The following PAFAH1B1 variants were observed in gnomAD, a reference collection of about 807,000 sequenced individuals.
The protein encoded by PAFAH1B1 is platelet activating factor acetylhydrolase 1b regulatory subunit 1.
In PAFAH1B1, 2 loss-of-function variants were observed where a neutral mutation model predicts 57.5. That is an observed-to-expected ratio of 0.03 (90% CI 0.01 to 0.11). The LOEUF is 0.11. PAFAH1B1 is among the 10% of genes least tolerant of loss of function. The pLI, the probability that PAFAH1B1 is intolerant of heterozygous loss-of-function variation, is 1.00. For missense variants in PAFAH1B1, 257 were observed against 512.0 expected (o/e 0.50, Z 4.81); for synonymous variants, 152 against 169.6 (o/e 0.90, Z 0.81).
intron 2 of PAFAH1B1, chr17:2,640,639 G>A (rs1186760150): frequency 1.3e-5 from 2 of 151,442 alleles, no homozygotes; most frequent in Admixed American, 6.6e-5. Flanking sequence ...TTTTAGTAGA[G>A]GCGGGGTTTC....
intron 1 of PAFAH1B1, among the ~76,000 whole-genome samples, chr17:2,625,181 C>T (rs1319516631): frequency 5.3e-5 from 8 of 152,144 alleles, no homozygotes; most frequent in Non-Finnish European, 7.4e-5. Context: ...CAAAAGCATA[C>T]TAAAGCCTCT....
chr17:2,611,303 A>G (rs576946856), intron 1 of PAFAH1B1, among the ~76,000 whole-genome samples: 72 of 152,108 alleles, frequency 4.7e-4, no homozygotes, highest in African/African-American at 1.5e-3. Context: ...CCCTATCTCT[A>G]CTAAAAATAC....
At chr17:2,595,303 TGGG>T (rs545417841) in intron 1 of PAFAH1B1, among the ~76,000 whole-genome samples, 1 of 151,822 alleles carries the variant, frequency 6.6e-6, no homozygotes, top group Non-Finnish European at 1.5e-5. Context: ...CTGTTTTTGT[TGGG>T]GGGGTGGGTT....
At chr17:2,657,789 G>A (rs1449098149) in intron 2 of PAFAH1B1, among the ~76,000 whole-genome samples, 1 of 152,120 alleles carries the variant, frequency 6.6e-6, no homozygotes, top group Non-Finnish European at 1.5e-5. Context: ...AAGATCCTAG[G>A]AGGCAAGGGA....
chr17:2,651,767 C>A (rs2068853052), intron 2 of PAFAH1B1, among the ~76,000 whole-genome samples: 1 of 151,938 alleles, frequency 6.6e-6, no homozygotes, highest in East Asian at 1.9e-4. Context: ...TGCCTTTTTG[C>A]CTTTCCCCAG....
At chr17:2,617,969 C>T (rs2068369234) in intron 1 of PAFAH1B1, among the ~76,000 whole-genome samples, 1 of 151,528 alleles carries the variant, frequency 6.6e-6, no homozygotes, top group Non-Finnish European at 1.5e-5. Context: ...TGCATTTAGG[C>T]CGGGTGCGGT....
At chr17:2,673,761 G>T in intron 7 of PAFAH1B1, 2 of 381,760 alleles carry the variant, frequency 5.2e-6, no homozygotes, top group Non-Finnish European at 9.8e-6. Flanking sequence ...ACTCAGATTA[G>T]TAGAGCATAG....
intron 5 of PAFAH1B1, among the ~76,000 whole-genome samples, chr17:2,669,939 T>C (rs368096054): frequency 5.3e-5 from 8 of 152,348 alleles, no homozygotes; most frequent in African/African-American, 1.9e-4. Flanking sequence ...AGAAACCTTA[T>C]AAATGTGGTT....
chr17:2,617,691 G>A (rs948807957), intron 1 of PAFAH1B1, among the ~76,000 whole-genome samples: 1 of 152,078 alleles, frequency 6.6e-6, no homozygotes, highest in African/African-American at 2.4e-5. Context: ...GCTGAGGCAG[G>A]CAGATCACTT....
At chr17:2,627,195 G>A (rs1488716121) in intron 1 of PAFAH1B1, among the ~76,000 whole-genome samples, 3 of 152,172 alleles carry the variant, frequency 2.0e-5, no homozygotes, top group African/African-American at 7.2e-5. Context: ...GGTTTTTCCA[G>A]TGTTACCTTC....
chr17:2,673,016 C>G (rs113844552), intron 7 of PAFAH1B1, among the ~76,000 whole-genome samples: 2 of 151,730 alleles, frequency 1.3e-5, no homozygotes, highest in Non-Finnish European at 2.9e-5. Context: ...TGCAGTGAGC[C>G]GAGATCGTGC....
At chr17:2,621,399 T>A (rs922210177) in intron 1 of PAFAH1B1, among the ~76,000 whole-genome samples, 2 of 152,184 alleles carry the variant, frequency 1.3e-5, no homozygotes, top group Non-Finnish European at 2.9e-5. Flanking sequence ...ATTACTATTC[T>A]AAACATCTGG....
intron 1 of PAFAH1B1, among the ~76,000 whole-genome samples, chr17:2,595,932 G>T (rs2068080278): frequency 6.6e-6 from 1 of 152,142 alleles, no homozygotes; most frequent in Non-Finnish European, 1.5e-5. Flanking sequence ...GAGAAGACTG[G>T]GTGGAGTAAG....
chr17:2,681,452 G>T, intron 10 of PAFAH1B1: 1 of 319,106 alleles, frequency 3.1e-6, no homozygotes, highest in Non-Finnish European at 5.8e-6. Flanking sequence ...ATTAAAAATT[G>T]TATCTGGCTC....
At chr17:2,601,305 T>G (rs530403934) in intron 1 of PAFAH1B1, among the ~76,000 whole-genome samples, 2 of 151,668 alleles carry the variant, frequency 1.3e-5, no homozygotes, top group Admixed American at 1.3e-4. Flanking sequence ...CAGTGAAGTT[T>G]TTTGTATTTT....
intron 6 of PAFAH1B1, among the ~76,000 whole-genome samples, chr17:2,672,389 G>T (rs1010107053): frequency 6.6e-6 from 1 of 150,394 alleles, no homozygotes; most frequent in African/African-American, 2.5e-5. Flanking sequence ...GTTGATAATC[G>T]TGATGCCTTT....
intron 1 of PAFAH1B1, among the ~76,000 whole-genome samples, chr17:2,596,871 C>T (rs1567520496): frequency 2.0e-5 from 3 of 151,914 alleles, no homozygotes; most frequent in African/African-American, 4.8e-5. Flanking sequence ...CCAGACTGAC[C>T]AATATGGTGA....
At chr17:2,667,624 G>A (rs899165182) in intron 5 of PAFAH1B1, 9 of 221,286 alleles carry the variant, frequency 4.1e-5, no homozygotes, top group Admixed American at 3.7e-4. Context: ...ACCTTTAAAC[G>A]GAGGTTATGT....
At chr17:2,664,838 T>C (rs80025633) in intron 2 of PAFAH1B1, among the ~76,000 whole-genome samples, 3,527 of 152,294 alleles carry the variant, frequency 0.023, 138 homozygotes, top group African/African-American at 0.08. Context: ...TGTCTCATTC[T>C]ACGACAGTAC....
Sources: allele counts gnomAD v4.1 joint callset (sites outside exome capture counted in the v4.1 genomes callset), GRCh38; gene constraint gnomAD v4.1.1; transcripts MANE v1.5; gene names NCBI Gene and HGNC (gene_info 2026-07-23, HGNC 2026-07-21).